Variants in FAM135B observed in about 807,000 individuals in gnomAD.
FAM135B encodes the protein family with sequence similarity 135 member B.
In FAM135B, 43 loss-of-function variants were observed where a neutral mutation model predicts 127.7. That is an observed-to-expected ratio of 0.34 (90% CI 0.26 to 0.43). The LOEUF (loss-of-function observed/expected upper bound fraction) is 0.43, where lower values mean the gene tolerates loss of function less well. FAM135B is among the 20% of genes least tolerant of loss of function. The pLI is 1.00. For missense variants in FAM135B, 1,558 were observed against 1,725.6 expected (o/e 0.90, Z 1.72); for synonymous variants, 670 against 665.1 (o/e 1.01, Z -0.11).
chr8:138,229,040 C>G (rs1403784699), intron 7 of FAM135B, among the ~76,000 whole-genome samples: 1 of 121,008 alleles, frequency 8.3e-6, no homozygotes, highest in East Asian at 2.1e-4. Flanking sequence ...TGAACACTCA[C>G]ACGTGTGTGT....
At chr8:138,174,616 A>G (rs991412004) in intron 11 of FAM135B, among the ~76,000 whole-genome samples, 1 of 152,144 alleles carries the variant, frequency 6.6e-6, no homozygotes, top group Non-Finnish European at 1.5e-5. Flanking sequence ...TCTATGATTT[A>G]TGTTTTTTGT....
At chr8:138,168,880 A>T (rs16908408) in intron 11 of FAM135B, among the ~76,000 whole-genome samples, 1 of 152,156 alleles carries the variant, frequency 6.6e-6, no homozygotes, top group Non-Finnish European at 1.5e-5. Flanking sequence ...TTTTGGGAAG[A>T]CTTGAGCTTG....
intron 7 of FAM135B, among the ~76,000 whole-genome samples, chr8:138,229,328 C>A (rs1404303002): frequency 1.3e-5 from 2 of 152,106 alleles, no homozygotes; most frequent in African/African-American, 2.4e-5. Flanking sequence ...TCTGACCCAT[C>A]TCCCATTAAA....
chr8:138,428,456 G>T (rs1033016203), intron 1 of FAM135B, among the ~76,000 whole-genome samples: 5 of 152,036 alleles, frequency 3.3e-5, no homozygotes, highest in African/African-American at 1.2e-4. Context: ...GGGGTACTAA[G>T]GCAGAGATTT....
At chr8:138,213,713 A>G (rs572155426) in intron 7 of FAM135B, among the ~76,000 whole-genome samples, 59 of 152,274 alleles carry the variant, frequency 3.9e-4, no homozygotes, top group African/African-American at 1.4e-3. Context: ...GTAAAAATAA[A>G]TGAAAATGGA....
In FAM135B at chr8:138,379,573, A is replaced by G. The variant is rs559278402; in HGVS notation, c.-19-11571T>C. Among the ~76,000 whole-genome samples, 25 of 152,244 alleles carry G rather than the reference A, an allele frequency of 1.6e-4. No homozygotes were observed. The South Asian group carries it at 4.8e-3, about 29-fold the overall frequency. On this transcript the variant is annotated intron_variant, in intron 1 of 19. Transcript: ENST00000395297. ...CCTGGATGAAGCTGAGTTGCTAGGGAAAGACATAGGCAACGTCCAGGGCCC... is the reference window on the plus strand; with the variant it reads ...CCTGGATGAAGCTGAGTTGCTAGGGGAAGACATAGGCAACGTCCAGGGCCC...
chr8:138,213,968 C>A (rs1818347467), intron 7 of FAM135B, among the ~76,000 whole-genome samples: 1 of 150,648 alleles, frequency 6.6e-6, no homozygotes, highest in South Asian at 2.1e-4. Context: ...TTGTGGGGGC[C>A]TTTCTAACCC....
At chr8:138,400,261 G>A (rs1213613961) in intron 1 of FAM135B, among the ~76,000 whole-genome samples, 1 of 152,082 alleles carries the variant, frequency 6.6e-6, no homozygotes, top group Non-Finnish European at 1.5e-5. Flanking sequence ...GAGAAATGGA[G>A]TGTCCCAGGC....
At chr8:138,138,815 G>A (rs1365949949) in intron 18 of FAM135B, among the ~76,000 whole-genome samples, 171 bp downstream of exon 18, 1 of 152,260 alleles carries the variant, frequency 6.6e-6, no homozygotes. Context: ...AAGAGGAGCT[G>A]AGTTCCTGGT....
chr8:138,231,402 C>T (rs962325218), intron 7 of FAM135B, among the ~76,000 whole-genome samples: 2 of 152,186 alleles, frequency 1.3e-5, no homozygotes, highest in Non-Finnish European at 2.9e-5. Context: ...ACACACTCAT[C>T]CTCACACCTG....
chr8:138,232,297 A>G (rs2130227235), intron 7 of FAM135B, among the ~76,000 whole-genome samples: 1 of 152,332 alleles, frequency 6.6e-6, no homozygotes, highest in Non-Finnish European at 1.5e-5. Context: ...CCTCATTGTC[A>G]CCATGTGACA....
chr8:138,202,786 G>A (rs559820106), intron 7 of FAM135B, among the ~76,000 whole-genome samples: 76 of 67,504 alleles, frequency 1.1e-3, no homozygotes, highest in African/African-American at 5.0e-3. Context: ...TGATGGCCTC[G>A]GTGAACGTGT....
At chr8:138,164,208 T>C (rs1229801334) in intron 12 of FAM135B, among the ~76,000 whole-genome samples, 1 of 151,562 alleles carries the variant, frequency 6.6e-6, no homozygotes, top group Non-Finnish European at 1.5e-5. Context: ...GATCAAGGAG[T>C]TCAAGAAAAG....
At chr8:138,354,419 C>G (rs1186465094) in intron 2 of FAM135B, among the ~76,000 whole-genome samples, 1 of 152,162 alleles carries the variant, frequency 6.6e-6, no homozygotes, top group African/African-American at 2.4e-5. Context: ...CATACCTTCT[C>G]AATGCCTGAG....
In FAM135B at chr8:138,157,822, T is replaced by A. The variant is rs191434540; in HGVS notation, c.1259-4606A>T. ...GAGGACATAAACAAATGGAAGAACA[T>A]TCCATGCTCATGGATAGGAAGAATC... On this transcript the variant is annotated intron_variant, in intron 12 of 19. Coordinates refer to ENST00000395297, the MANE Select transcript of FAM135B (RefSeq NM_015912.4). 5.3e-5 allele frequency among the ~76,000 whole-genome samples: 8 copies of A among 152,310 alleles called. No individual in the cohort carries two copies. The East Asian group carries it at 1.2e-3, about 22-fold the overall frequency.
Position 138,154,116 on chromosome 8 carries a change from T to A in FAM135B, c.1259-900A>T, listed in dbSNP as rs1421833037. ...CCAGTGGAAGGATCAGGCAGCAACA[T>A]TTGCTGTTCTGTAATATTTGCTGTT... On this transcript the variant is annotated intron_variant, in intron 12 of 19. Coordinates refer to ENST00000395297, the MANE Select transcript of FAM135B (RefSeq NM_015912.4). Among the ~76,000 whole-genome samples, 5 of 152,254 alleles carry A rather than the reference T, an allele frequency of 3.3e-5. No homozygotes were observed. In the East Asian group the frequency reaches 5.8e-4, roughly 18 times the overall value.
chr8:138,272,073 G>T lies in FAM135B; in HGVS notation c.158-6231C>A, dbSNP rs145424748. Among the ~76,000 whole-genome samples, 27 of 151,488 alleles carry T rather than the reference G, an allele frequency of 1.8e-4. No individual in the cohort carries two copies. The East Asian group carries it at 4.8e-3, about 27-fold the overall frequency. On this transcript the variant is annotated intron_variant, in intron 3 of 19. Transcript: ENST00000395297. Reference sequence around the variant, plus strand: ...ATTATTTAACTCAACAACCACACAGGCAATATGTTAGACATAATTCTGTCA... The same window carrying T: ...ATTATTTAACTCAACAACCACACAGTCAATATGTTAGACATAATTCTGTCA...
At chr8:138,288,494 G>T (rs949071363) in intron 3 of FAM135B, among the ~76,000 whole-genome samples, 1 of 152,252 alleles carries the variant, frequency 6.6e-6, no homozygotes, top group South Asian at 2.1e-4. Flanking sequence ...AAGGAAGGTG[G>T]GGGAGACAGA....
At chr8:138,493,791 C>T (rs1043455473) in intron 1 of FAM135B, among the ~76,000 whole-genome samples, 1 of 152,160 alleles carries the variant, frequency 6.6e-6, no homozygotes, top group African/African-American at 2.4e-5. Context: ...GCTATTAATT[C>T]GCTCCAAAAC....
Sources: gnomAD v4.1 joint callset for allele counts (sites outside exome capture counted in the v4.1 genomes callset) on GRCh38, gnomAD v4.1.1 for gene constraint, MANE v1.5 for transcripts, NCBI Gene and HGNC (gene_info 2026-07-23, HGNC 2026-07-21) for gene names.